CCDC3: variants seen among roughly 807,000 people sequenced by gnomAD.
CCDC3 encodes the protein coiled-coil domain containing 3.
In CCDC3, 24 loss-of-function variants were observed where a neutral mutation model predicts 21.4. The observed-to-expected ratio is 1.12, with a 90% CI of 0.81 to 1.58. CCDC3 has a LOEUF of 1.58. CCDC3 is among the 40% of genes most tolerant of loss of function. The pLI is 0.00. For missense variants in CCDC3, 425 were observed against 360.9 expected, an observed-to-expected ratio of 1.18 and a Z score of -1.44; for synonymous variants, 186 against 166.0, an observed-to-expected ratio of 1.12 and a Z score of -0.93.
chr10:13,044,668 T>C (rs1200944446), intron 5 of CCDC3, among the ~76,000 whole-genome samples: 3 of 152,220 alleles, frequency 2.0e-5, no homozygotes, highest in African/African-American at 7.2e-5. Flanking sequence ...TGTGTGGCCT[T>C]ATTTCTGGGT....
intron 2 of CCDC3, among the ~76,000 whole-genome samples, chr10:12,987,203 C>T (rs558201357): frequency 6.6e-6 from 1 of 152,200 alleles, no homozygotes; most frequent in East Asian, 1.9e-4. Flanking sequence ...TGTGGCCCAG[C>T]AGGAGTACCC....
At chr10:13,031,712 C>T (rs186022614) in intron 5 of CCDC3, among the ~76,000 whole-genome samples, 1 of 152,242 alleles carries the variant, frequency 6.6e-6, no homozygotes, top group Admixed American at 6.5e-5. Flanking sequence ...ACTATAAACA[C>T]CTCTACACAA....
intron 4 of CCDC3, among the ~76,000 whole-genome samples, chr10:13,060,382 A>G (rs1836740862): frequency 6.6e-6 from 1 of 152,146 alleles, no homozygotes; most frequent in Non-Finnish European, 1.5e-5. Flanking sequence ...GAGCGCCAGC[A>G]TTTGGGATGT....
chr10:12,953,143 A>G, intron 2 of CCDC3, among the ~76,000 whole-genome samples: 1 of 152,222 alleles, frequency 6.6e-6, no homozygotes. Flanking sequence ...AGGCCTCACA[A>G]TCATGGTAGA....
chr10:12,910,594 C>CAAA (rs61243830), intron 2 of CCDC3, among the ~76,000 whole-genome samples: 17 of 91,096 alleles, frequency 1.9e-4, no homozygotes, highest in Non-Finnish European at 2.7e-4. Context: ...CTAGTCAGAG[C>CAAA]AAAAAAAAAA....
intron 2 of CCDC3, among the ~76,000 whole-genome samples, chr10:12,946,048 TC>T (rs1672376814): frequency 4.6e-5 from 7 of 152,328 alleles, no homozygotes; most frequent in African/African-American, 1.4e-4. Context: ...TCCTGATACG[TC>T]ATCATAGTAG....
chr10:12,898,839 T>A (rs892950264), intron 2 of CCDC3, among the ~76,000 whole-genome samples, 160 bp from the exon 3 acceptor site: 10 of 152,118 alleles, frequency 6.6e-5, no homozygotes, highest in Admixed American at 1.3e-4. Flanking sequence ...GACGGTGACA[T>A]TCCCCGCCCT....
At chr10:12,982,971 G>A (rs1835524832) in intron 2 of CCDC3, among the ~76,000 whole-genome samples, 1 of 150,714 alleles carries the variant, frequency 6.6e-6, no homozygotes, top group African/African-American at 2.4e-5. Flanking sequence ...AGTTAGCTGG[G>A]CATGGTGGCG....
intron 1 of CCDC3, among the ~76,000 whole-genome samples, 194 bp downstream of exon 1, chr10:13,001,003 G>GCT (rs1485780537): frequency 1.3e-5 from 2 of 152,192 alleles, no homozygotes; most frequent in Non-Finnish European, 2.9e-5. Flanking sequence ...CTTAACCAGG[G>GCT]GTAGTCAGGA....
intron 3 of CCDC3, among the ~76,000 whole-genome samples, chr10:13,080,810 G>A (rs1056420424): frequency 3.3e-5 from 5 of 152,236 alleles, no homozygotes; most frequent in Non-Finnish European, 7.3e-5. Flanking sequence ...CCAGGCAGTT[G>A]TTAGACAGCA....
At chr10:13,067,187 G>A (rs1376028287) in intron 4 of CCDC3, among the ~76,000 whole-genome samples, 1 of 152,170 alleles carries the variant, frequency 6.6e-6, no homozygotes, top group Non-Finnish European at 1.5e-5. Flanking sequence ...TGGGTTCCCC[G>A]CTCCCCTCCC....
chr10:13,076,269 T>C (rs973731518), intron 3 of CCDC3, among the ~76,000 whole-genome samples: 2 of 152,184 alleles, frequency 1.3e-5, no homozygotes, highest in Non-Finnish European at 2.9e-5. Context: ...CCAACAGTAA[T>C]ACATTTAGGA....
At chr10:13,074,406 G>C (rs978861743) in intron 3 of CCDC3, among the ~76,000 whole-genome samples, 9 of 127,220 alleles carry the variant, frequency 7.1e-5, no homozygotes, top group African/African-American at 2.4e-4. Flanking sequence ...GGCTGGTCTC[G>C]AACTCCCGAC....
chr10:12,951,912 T>C (rs1336778335), intron 2 of CCDC3, among the ~76,000 whole-genome samples: 2 of 151,960 alleles, frequency 1.3e-5, no homozygotes, highest in African/African-American at 4.8e-5. Context: ...GGTGTTTTTG[T>C]AAGAACTCCT....
intron 5 of CCDC3, among the ~76,000 whole-genome samples, chr10:13,022,658 C>G (rs1836162149): frequency 1.3e-5 from 2 of 152,184 alleles, no homozygotes; most frequent in African/African-American, 4.8e-5. Context: ...CATCCATTAT[C>G]AGAGTTGTTA....
At chr10:12,967,136 T>TA (rs1347027171) in intron 2 of CCDC3, among the ~76,000 whole-genome samples, 4 of 152,206 alleles carry the variant, frequency 2.6e-5, no homozygotes, top group African/African-American at 7.2e-5. Context: ...TTTGACTTTT[T>TA]AAAGGCTGGT....
chr10:13,065,248 C>G (rs1449943453), intron 4 of CCDC3, among the ~76,000 whole-genome samples: 1 of 152,096 alleles, frequency 6.6e-6, no homozygotes, highest in African/African-American at 2.4e-5. Flanking sequence ...TTGTTTATAT[C>G]CTACAAGGAT....
At chr10:13,032,338 T>A (rs1490074308) in intron 5 of CCDC3, among the ~76,000 whole-genome samples, 2 of 152,174 alleles carry the variant, frequency 1.3e-5, no homozygotes, top group Non-Finnish European at 2.9e-5. Context: ...ATGGGACGTA[T>A]CTCAAAATAA....
At chr10:12,917,747 C>T (rs899297689) in intron 2 of CCDC3, among the ~76,000 whole-genome samples, 2 of 152,186 alleles carry the variant, frequency 1.3e-5, no homozygotes, top group Admixed American at 6.5e-5. Context: ...TTTCATTATT[C>T]TGATGGCTGT....
Sources: allele counts gnomAD v4.1 joint callset (sites outside exome capture counted in the v4.1 genomes callset), GRCh38; gene constraint gnomAD v4.1.1; transcripts MANE v1.5; gene names NCBI Gene and HGNC (gene_info 2026-07-23, HGNC 2026-07-21).